MAP3K5: variants seen among roughly 807,000 people sequenced by gnomAD.
MAP3K5 encodes the protein ASK-1.
MAP3K5 carries 56 observed loss-of-function variants against 158.7 expected under a neutral mutation model. That is an observed-to-expected ratio of 0.35 (90% CI 0.28 to 0.44). The LOEUF is 0.44. Ranked by LOEUF, MAP3K5 falls within the 20% of genes least tolerant of loss-of-function variation. MAP3K5 has a pLI of 1.00. For missense variants in MAP3K5, 1,294 were observed against 1,674.8 expected, an observed-to-expected ratio of 0.77 and a Z score of 3.97; for synonymous variants, 579 against 601.7, an observed-to-expected ratio of 0.96 and a Z score of 0.55.
intron 1 of MAP3K5, among the ~76,000 whole-genome samples, chr6:136,727,315 T>A (rs145058028): frequency 6.6e-6 from 1 of 152,256 alleles, no homozygotes; most frequent in Non-Finnish European, 1.5e-5. Context: ...TATATGCTTT[T>A]CAAATATTAA....
intron 7 of MAP3K5, among the ~76,000 whole-genome samples, chr6:136,680,176 C>T (rs764442669): frequency 6.1e-4 from 92 of 152,008 alleles, no homozygotes; most frequent in Non-Finnish European, 1.0e-3. Context: ...CCAGGGCCGG[C>T]GGAAGGAGAG....
intron 11 of MAP3K5, among the ~76,000 whole-genome samples, chr6:136,648,967 ATTTTAT>A (rs2114382423): frequency 6.6e-6 from 1 of 152,208 alleles, no homozygotes; most frequent in East Asian, 1.9e-4. Flanking sequence ...TCTGCAATTT[ATTTTAT>A]TTTATTTATT....
At chr6:136,572,667 T>C (rs1310389576) in intron 25 of MAP3K5, among the ~76,000 whole-genome samples, 1 of 152,254 alleles carries the variant, frequency 6.6e-6, no homozygotes, top group Admixed American at 6.5e-5. Flanking sequence ...CTTTAAATTA[T>C]CATTTTACGT....
In MAP3K5 at chr6:136,704,045, C is replaced by T. The variant is rs540822237; in HGVS notation, c.612+1065G>A. Among the ~76,000 whole-genome samples the T allele has an allele frequency of 5.1e-4, 77 of 151,434 alleles. 1 individual carries two copies. Among genetic ancestry groups the T allele is most frequent in the Admixed American group, 4.3e-3 (65 of 15,246 alleles). On this transcript the variant is annotated intron_variant, in intron 3 of 29. Coordinates refer to ENST00000359015, the MANE Select transcript of MAP3K5 (RefSeq NM_005923.4). The stretch of plus-strand genomic sequence containing the variant: ...CACTTTATATTATAATTCTTCTTCA[C>T]GCAGCATTTTTAAAGTTTAAAATTT...
At chr6:136,570,512 G>A (rs972890193) in intron 25 of MAP3K5, among the ~76,000 whole-genome samples, 4 of 152,034 alleles carry the variant, frequency 2.6e-5, no homozygotes, top group Admixed American at 6.5e-5. Context: ...ATTACTGTTC[G>A]GTAGGCACCT....
intron 7 of MAP3K5, among the ~76,000 whole-genome samples, chr6:136,673,504 AAAAGAT>A (rs1779571845): frequency 6.6e-6 from 1 of 152,176 alleles, no homozygotes. Flanking sequence ...AATATAGAGA[AAAAGAT>A]AAAATGGATA....
chr6:136,614,801 T>G (rs182369052), intron 15 of MAP3K5, among the ~76,000 whole-genome samples: 1 of 152,212 alleles, frequency 6.6e-6, no homozygotes. Flanking sequence ...ACTTGCATAA[T>G]GTACATTCCA....
intron 1 of MAP3K5, among the ~76,000 whole-genome samples, chr6:136,766,275 C>A (rs1783964626): frequency 1.3e-5 from 2 of 152,200 alleles, no homozygotes; most frequent in African/African-American, 4.8e-5. Context: ...TCTTTCAGAA[C>A]AAGGCCAAGC....
At chr6:136,608,955 G>A (rs978410282) in intron 18 of MAP3K5, among the ~76,000 whole-genome samples, 1 of 152,216 alleles carries the variant, frequency 6.6e-6, no homozygotes, top group Non-Finnish European at 1.5e-5. Flanking sequence ...AGCCTATGAT[G>A]TGCAGGGCCC....
upstream of MAP3K5, chr6:136,792,560 C>CGCGCA (rs1562713153): frequency 5.5e-6 from 1 of 183,346 alleles, no homozygotes; most frequent in African/African-American, 2.4e-5. The surrounding 1 kb of genome is among the most constrained non-coding windows in gnomAD (Gnocchi z 5.7). Context: ...CGCGCCGCGC[C>CGCGCA]GCGCCGCGCA....
At chr6:136,781,530 C>T (rs929723682) in intron 1 of MAP3K5, among the ~76,000 whole-genome samples, 72 of 152,314 alleles carry the variant, frequency 4.7e-4, no homozygotes, top group African/African-American at 1.7e-3. Flanking sequence ...GAGAACGAAA[C>T]ATCTGTATTG....
intron 2 of MAP3K5, among the ~76,000 whole-genome samples, chr6:136,715,320 T>C (rs995092594): frequency 4.6e-5 from 7 of 152,276 alleles, no homozygotes; most frequent in East Asian, 3.9e-4. Flanking sequence ...TCCTGGTGGA[T>C]ACAAAAAATA....
chr6:136,780,116 G>C (rs946087520), intron 1 of MAP3K5, among the ~76,000 whole-genome samples: 1 of 152,228 alleles, frequency 6.6e-6, no homozygotes, highest in African/African-American at 2.4e-5. Flanking sequence ...GCTTAGTGCA[G>C]CACTCCCTCT....
intron 9 of MAP3K5, among the ~76,000 whole-genome samples, chr6:136,658,525 G>A (rs1214265478): frequency 6.6e-6 from 1 of 151,886 alleles, no homozygotes; most frequent in Non-Finnish European, 1.5e-5. Context: ...CGGTTGTCCA[G>A]GCTGATCTCA....
chr6:136,703,799 T>C (rs937453755), intron 3 of MAP3K5, among the ~76,000 whole-genome samples: 2 of 152,294 alleles, frequency 1.3e-5, no homozygotes, highest in East Asian at 1.9e-4. Flanking sequence ...ATCACTACTA[T>C]AAAAAAAGGC....
chr6:136,658,764 T>A (rs1778878328), intron 9 of MAP3K5, among the ~76,000 whole-genome samples: 1 of 152,148 alleles, frequency 6.6e-6, no homozygotes, highest in Non-Finnish European at 1.5e-5. Context: ...CTCAAATGTG[T>A]CATCAGTCAA....
chr6:136,780,048 T>A (rs776808745), intron 1 of MAP3K5, among the ~76,000 whole-genome samples: 11 of 151,978 alleles, frequency 7.2e-5, no homozygotes, highest in Non-Finnish European at 1.3e-4. Flanking sequence ...CAGGGAAGAG[T>A]TGTCAAAGAC....
chr6:136,630,223 A>T (rs1206330139), intron 14 of MAP3K5: 2 of 152,260 alleles, frequency 1.3e-5, no homozygotes, highest in Non-Finnish European at 1.5e-5. Context: ...TCCGTCTCTC[A>T]TTAGAAAGTA....
chr6:136,720,618 G>A, intron 1 of MAP3K5, 29 bp from the exon 2 acceptor site: 1 of 1,584,708 alleles, frequency 6.3e-7, no homozygotes, highest in Non-Finnish European at 8.6e-7. Context: ...GTCCCCCAAA[G>A]AATGACACCC....
Sources: allele counts gnomAD v4.1 joint callset (sites outside exome capture counted in the v4.1 genomes callset), GRCh38; gene constraint gnomAD v4.1.1; non-coding constraint Gnocchi (gnomAD v3.1); transcripts MANE v1.5; gene names NCBI Gene and HGNC (gene_info 2026-07-23, HGNC 2026-07-21).